TSPAN18: variants seen among roughly 807,000 people sequenced by gnomAD.
The protein encoded by TSPAN18 is tetraspanin-18.
A neutral mutation model predicts 27.3 loss-of-function variants in TSPAN18; 14 were observed. That is an observed-to-expected ratio of 0.51 (90% CI 0.34 to 0.80). TSPAN18 has a LOEUF of 0.80. TSPAN18 is among the 30% of genes least tolerant of loss of function. The pLI, the probability that TSPAN18 is intolerant of heterozygous loss-of-function variation, is 0.01. For missense variants in TSPAN18, 268 were observed against 323.9 expected (o/e 0.83, Z 1.32); for synonymous variants, 143 against 136.5 (o/e 1.05, Z -0.33).
At chr11:44,782,720 G>A (rs572427445) in intron 2 of TSPAN18, among the ~76,000 whole-genome samples, 1 of 152,152 alleles carries the variant, frequency 6.6e-6, no homozygotes, top group African/African-American at 2.4e-5. Flanking sequence ...TTGCGTAACG[G>A]TATCGCATTC....
Position 44,917,686 on chromosome 11 carries a change from G to A in TSPAN18, c.259-286G>A, listed in dbSNP as rs2135360729. On this transcript the variant is annotated intron_variant, in intron 5 of 9. Coordinates refer to ENST00000520358, the MANE Select transcript of TSPAN18 (RefSeq NM_130783.5). ...TCTCCTTCCAGGGTGGCTGAGTAGG[G>A]TTGTTCAGGTTGCACACTGTACGAG... 8.5e-6 allele frequency: 3 copies of A among 354,856 alleles called. No individual in the cohort carries two copies. The East Asian group carries it at 1.5e-4, about 18-fold the overall frequency. The allele number at this position is 354,856 out of a possible 1,614,324, so 22.0% of individuals were successfully genotyped here.
intron 8 of TSPAN18, among the ~76,000 whole-genome samples, chr11:44,923,562 T>C (rs1200346116): frequency 6.6e-6 from 1 of 152,160 alleles, no homozygotes; most frequent in Non-Finnish European, 1.5e-5. Context: ...CAGCCGCTCA[T>C]GCCAGCCCCC....
At chr11:44,788,204 C>T (rs1336145011) in intron 2 of TSPAN18, among the ~76,000 whole-genome samples, 1 of 152,198 alleles carries the variant, frequency 6.6e-6, no homozygotes, top group African/African-American at 2.4e-5. Flanking sequence ...CCTCAGTCCC[C>T]AGATGGGCGG....
intron 8 of TSPAN18, among the ~76,000 whole-genome samples, chr11:44,924,947 A>T (rs1223319564): frequency 6.6e-6 from 1 of 152,234 alleles, no homozygotes; most frequent in Non-Finnish European, 1.5e-5. Context: ...GTCTGCTGGC[A>T]GATCCAGGAT....
intron 1 of TSPAN18, among the ~76,000 whole-genome samples, chr11:44,728,569 A>G (rs1275523095): frequency 2.6e-5 from 4 of 152,142 alleles, no homozygotes; most frequent in Non-Finnish European, 5.9e-5. Context: ...TCAGCAGTCC[A>G]GGCAGAAGTG....
At chr11:44,919,470 C>T in intron 7 of TSPAN18, 158 bp downstream of exon 7, 1 of 710,320 alleles carries the variant, frequency 1.4e-6, no homozygotes, top group Non-Finnish European at 2.5e-6. Flanking sequence ...GCAGCCATGC[C>T]ACTTGATCAC....
intron 2 of TSPAN18, among the ~76,000 whole-genome samples, chr11:44,768,543 C>A (rs1465176837): frequency 6.6e-6 from 1 of 151,678 alleles, no homozygotes; most frequent in Non-Finnish European, 1.5e-5. Flanking sequence ...ATATCTTCTG[C>A]AAAAAAAGAC....
rs553831379 is a variant in TSPAN18 at position 44,904,043 on chromosome 11, C to T, written c.-10-2364C>T. On this transcript the variant is annotated intron_variant, in intron 3 of 9. Coordinates refer to ENST00000520358, the MANE Select transcript of TSPAN18 (RefSeq NM_130783.5). ...TTGGGTGGATGATCTCAGGAAAACC[C>T]TGATTTCCCATTACCCCAACACAAT... is the stretch of plus-strand genomic sequence containing the variant. 1.9e-4 allele frequency among the ~76,000 whole-genome samples: 29 copies of T among 152,276 alleles called. No individual in the cohort carries two copies. The East Asian group carries it at 5.2e-3, about 27-fold the overall frequency.
chr11:44,849,773 G>A (rs1565176207), intron 2 of TSPAN18, among the ~76,000 whole-genome samples: 2 of 152,142 alleles, frequency 1.3e-5, no homozygotes, highest in African/African-American at 2.4e-5. Flanking sequence ...ACTTTGGTGC[G>A]ATGCCCCTTC....
At chr11:44,861,015 A>G (rs1414763961) in intron 3 of TSPAN18, among the ~76,000 whole-genome samples, 1 of 152,144 alleles carries the variant, frequency 6.6e-6, no homozygotes, top group Non-Finnish European at 1.5e-5. Context: ...ATATATTCCA[A>G]ATAATATATT....
chr11:44,843,494 C>T (rs550151040), intron 2 of TSPAN18, among the ~76,000 whole-genome samples: 9 of 152,306 alleles, frequency 5.9e-5, no homozygotes, highest in Non-Finnish European at 8.8e-5. Flanking sequence ...AATGAAGTTT[C>T]GGGCACCATT....
At chr11:44,799,331 G>A (rs989041214) in intron 2 of TSPAN18, among the ~76,000 whole-genome samples, 7 of 152,048 alleles carry the variant, frequency 4.6e-5, no homozygotes, top group African/African-American at 1.2e-4. Context: ...ACTTCGGAGC[G>A]GCCACTGCCC....
intron 9 of TSPAN18, among the ~76,000 whole-genome samples, chr11:44,927,954 C>A (rs546511586): frequency 6.6e-6 from 1 of 152,302 alleles, no homozygotes; most frequent in South Asian, 2.1e-4. Context: ...TCACTCCCAG[C>A]CCAGCCCATG....
At chr11:44,884,677 A>G (rs892045159) in intron 3 of TSPAN18, among the ~76,000 whole-genome samples, 1 of 152,170 alleles carries the variant, frequency 6.6e-6, no homozygotes, top group Non-Finnish European at 1.5e-5. Context: ...CCTGTGACCC[A>G]TGAGGGCCTC....
At chr11:44,912,002 C>T (rs1859739572) in intron 5 of TSPAN18, among the ~76,000 whole-genome samples, 1 of 135,482 alleles carries the variant, frequency 7.4e-6, no homozygotes. Context: ...CCTTTCCTCT[C>T]TGCCTCTGTC....
chr11:44,792,709 G>A (rs913241812), intron 2 of TSPAN18, among the ~76,000 whole-genome samples: 4 of 152,214 alleles, frequency 2.6e-5, no homozygotes, highest in African/African-American at 9.7e-5. Context: ...CCTCCCGGAA[G>A]AGGTGACACC....
intron 3 of TSPAN18, among the ~76,000 whole-genome samples, chr11:44,881,434 A>C (rs926269754): frequency 6.6e-6 from 1 of 152,202 alleles, no homozygotes; most frequent in South Asian, 2.1e-4. Flanking sequence ...ATGGGAAGGA[A>C]GGATTTCTTT....
intron 2 of TSPAN18, among the ~76,000 whole-genome samples, chr11:44,854,251 G>A (rs2135196336): frequency 6.6e-6 from 1 of 151,598 alleles, no homozygotes; most frequent in East Asian, 2.0e-4. Flanking sequence ...ACAGAGCCTG[G>A]CTGAGTTAGA....
At chr11:44,742,288 C>A (rs946423987) in intron 1 of TSPAN18, among the ~76,000 whole-genome samples, 3 of 121,040 alleles carry the variant, frequency 2.5e-5, no homozygotes, top group African/African-American at 9.1e-5. Context: ...TTCCTTCTTT[C>A]TTCCCTCCCT....
Sources: allele counts gnomAD v4.1 joint callset (sites outside exome capture counted in the v4.1 genomes callset), GRCh38; gene constraint gnomAD v4.1.1; transcripts MANE v1.5; gene names NCBI Gene and HGNC (gene_info 2026-07-23, HGNC 2026-07-21).